EPHB6: variants seen among roughly 807,000 people sequenced by gnomAD.
The protein encoded by EPHB6 is ephrin type-B receptor 6.
EPHB6 carries 51 observed loss-of-function variants against 107.0 expected under a neutral mutation model. The observed-to-expected ratio is 0.48, with a 90% CI of 0.38 to 0.60. The LOEUF is 0.60. EPHB6 is among the 20% of genes least tolerant of loss of function. The pLI, the probability that EPHB6 is intolerant of heterozygous loss-of-function variation, is 0.00. For missense variants in EPHB6, 1,141 were observed against 1,355.5 expected, an observed-to-expected ratio of 0.84 and a Z score of 2.48; for synonymous variants, 553 against 549.0, an observed-to-expected ratio of 1.01 and a Z score of -0.10.
In EPHB6 at chr7:142,867,250, T is replaced by C; in HGVS notation, c.1750+182T>C. ...GGCTACTCGGGGAGGTGGGGAATTG[T>C]AGGGGTATGTATGCATGTTGAGTGT... On this transcript the variant is annotated intron_variant, in intron 11 of 19. Transcript: ENST00000652003. The surrounding 1 kb of genome is among the most constrained non-coding windows in gnomAD (Gnocchi z 5.3). The C allele has an allele frequency of 2.8e-6, 2 of 714,464 alleles. No homozygotes were observed. Among genetic ancestry groups the C allele is most frequent in the South Asian group, 3.7e-5 (2 of 54,188 alleles). The allele number at this position is 714,464 out of a possible 1,614,324, so 44.3% of individuals were successfully genotyped here. A position where few individuals can be genotyped will look rare whatever the true frequency, so the allele number is the denominator to read the frequency against.
Position 142,870,386 on chromosome 7 carries a change from C to G in EPHB6, c.2783C>G (p.Ala928Gly), listed in dbSNP as rs1794847502. ...KMIRKPDTLQAGGDPGERPSQ... is the reference protein window; with the variant it reads ...KMIRKPDTLQGGGDPGERPSQ... The stretch of plus-strand genomic sequence containing the variant: ...ATCCGCAAGCCAGATACCCTGCAGG[C>G]TGGCGGGGACCCAGGGGAAAGGTCT... The change falls in exon 18 of 20, where the codon GCT (alanine) becomes GGT (glycine). Residue 928 changes from alanine (A) to glycine (G), a missense_variant. Around this residue, in one of 3 missense-constraint regions of EPHB6, gnomAD observed 616 missense variants for 759.3 expected, o/e 0.81. Transcript: ENST00000652003. 2.5e-6 allele frequency: 4 copies of G among 1,614,148 alleles called. No individual in the cohort carries two copies. Among genetic ancestry groups the G allele is most frequent in the Non-Finnish European group, 3.4e-6 (4 of 1,180,042 alleles).
At chr7:142,863,394 A>G (rs1802945063) in intron 5 of EPHB6, 67 bp downstream of exon 5, 1 of 1,486,906 alleles carries the variant, frequency 6.7e-7, no homozygotes, top group African/African-American at 1.4e-5. Flanking sequence ...GGGAAGTGGG[A>G]AAGATTTAGA....
At position 142,869,091 on chromosome 7, in the gene EPHB6, G is replaced by A. The variant is rs1285417898; in HGVS notation, c.2404G>A (p.Val802Met). The change falls in exon 16 of 20, where the codon GTG becomes ATG. Residue 802 changes from valine (V) to methionine (M), a missense_variant. This residue lies in a region of EPHB6 where 616 missense variants were observed against 759.3 expected (regional missense o/e 0.81). Transcript: ENST00000652003. This position sits in a 1 kb window ranked among gnomAD's most constrained non-coding sequence, Gnocchi z 4.5. ...FVHRSLSAHS[V>M]LVNSHLVCKV... The stretch of plus-strand genomic sequence containing the variant: ...CCATCGCTCGCTGTCTGCCCACAGC[G>A]TGCTGGTGAATAGCCACTTGGTGTG... The A allele has an allele frequency of 6.2e-6, 10 of 1,613,800 alleles. No homozygotes were observed. In the Admixed American group the frequency reaches 6.7e-5, roughly 11 times the overall value.
rs768492124 is a variant in EPHB6 at position 142,866,547 on chromosome 7, C to G, written c.1529C>G (p.Pro510Arg). 1.2e-6 allele frequency: 2 copies of G among 1,614,172 alleles called. No homozygotes were observed. The highest frequency in any genetic ancestry group is 2.2e-5 in the South Asian group (2 of 91,084). ...RASNSITVSW[P>R]QPDQTNGNIL... ...TCCAACAGCATCACGGTGTCCTGGC[C>G]GCAGCCCGACCAGACCAATGGGAAC... The change falls in exon 10 of 20, where the codon CCG becomes CGG. Residue 510 changes from proline to arginine, a missense_variant. By Grantham distance (103) the Pro-to-Arg change is moderately radical (BLOSUM62 -2). Coordinates refer to ENST00000652003, the MANE Select transcript of EPHB6 (RefSeq NM_004445.6). This position sits in a 1 kb window ranked among gnomAD's most constrained non-coding sequence, Gnocchi z 5.2.
In EPHB6 at chr7:142,863,995, G is replaced by T. The variant is rs1245244109; in HGVS notation, c.195G>T (p.Gln65His). 6.2e-7 allele frequency: 1 copy of T among 1,614,100 alleles called. No individual in the cohort carries two copies. The highest frequency in any genetic ancestry group is 8.5e-7 in the Non-Finnish European group (1 of 1,180,044). The change falls in exon 7 of 20, where the codon CAG becomes CAT. Residue 65 changes from glutamine to histidine, a missense_variant. Physicochemically the swap from Gln to His is conservative, Grantham distance 24. Transcript: ENST00000652003. ...GWDEVSVLDD[Q>H]RRLTRTFEAC... ...ACGAGGTGAGTGTTCTGGACGACCA[G>T]CGACGCCTGACTCGGACCTTTGAGG...
At position 142,866,860 on chromosome 7, in the gene EPHB6, G is replaced by A. The variant is rs1305643682; in HGVS notation, c.1588-46G>A. The A allele has an allele frequency of 1.2e-6, 2 of 1,613,762 alleles. No individual in the cohort carries two copies. Among genetic ancestry groups the A allele is most frequent in the Non-Finnish European group, 1.7e-6 (2 of 1,179,886 alleles). On this transcript the variant is annotated intron_variant, in intron 10 of 19. Coordinates refer to ENST00000652003, the MANE Select transcript of EPHB6 (RefSeq NM_004445.6). This position sits in a 1 kb window ranked among gnomAD's most constrained non-coding sequence, Gnocchi z 5.2. ...GCTGGGGGCCTTAGGGGCAGAAGCA[G>A]GGGCAAGAGGGGGCCAGGCAGGGAG...
At position 142,864,237 on chromosome 7, in the gene EPHB6, C is replaced by T. The variant is rs146506957; in HGVS notation, c.437C>T (p.Ser146Phe). The part of the protein sequence containing the change: ...EEPDSPDSVS[S>F]WHLKRWTKVD... ...CCCGACAGCCCTGACAGCGTTTCCTCCTGGCACCTCAAACGCTGGACCAAG... is the reference window on the plus strand; with the variant it reads ...CCCGACAGCCCTGACAGCGTTTCCTTCTGGCACCTCAAACGCTGGACCAAG... Residue 146 changes from serine to phenylalanine, a missense_variant, in exon 7 of 20, where the codon TCC becomes TTC. Physicochemically the swap from Ser to Phe is radical, Grantham distance 155. Coordinates refer to ENST00000652003, the MANE Select transcript of EPHB6 (RefSeq NM_004445.6). 11 of 1,613,844 alleles carry T rather than the reference C, an allele frequency of 6.8e-6. No homozygotes were observed. The South Asian group carries it at 8.8e-5, about 13-fold the overall frequency.
intron 7 of EPHB6, 137 bp downstream of exon 7, chr7:142,864,886 T>G: frequency 9.1e-7 from 1 of 1,095,838 alleles, no homozygotes. Flanking sequence ...GACCCTGATT[T>G]TCCCTAATTT....
Position 142,864,713 on chromosome 7 carries a change from G to A in EPHB6, c.913G>A (p.Gly305Arg). 5 of 1,612,902 alleles carry A rather than the reference G, an allele frequency of 3.1e-6. No homozygotes were observed. Among genetic ancestry groups the A allele is most frequent in the Non-Finnish European group, 4.2e-6 (5 of 1,180,008 alleles). The change falls in exon 7 of 20, where the codon GGA becomes AGA. Residue 305 changes from glycine (G) to arginine (R), a missense_variant. Around this residue, in one of 3 missense-constraint regions of EPHB6, gnomAD observed 304 missense variants for 295.7 expected, o/e 1.03. Transcript: ENST00000652003. Reference protein sequence around the residue: ...VAVGGCRCQPGYQPARGDKAC... With the variant: ...VAVGGCRCQPRYQPARGDKAC... ...TGTCGGGGGCTGCCGCTGCCAGCCT[G>A]GATACCAACCAGCACGAGGAGACAA...
Position 142,869,835 on chromosome 7 carries a change from C to T in EPHB6, c.2479C>T (p.Arg827Cys), listed in dbSNP as rs372692074. 57 of 1,614,066 alleles carry T rather than the reference C, an allele frequency of 3.5e-5. No individual in the cohort carries two copies. The Admixed American group carries it at 7.0e-4, about 20-fold the overall frequency. The change falls in exon 17 of 20, where the codon CGC becomes TGC. Residue 827 changes from arginine to cysteine, a missense_variant. Physicochemically the swap from Arg to Cys is radical, Grantham distance 180. This residue lies in a region of EPHB6 where 616 missense variants were observed against 759.3 expected (regional missense o/e 0.81). Coordinates refer to ENST00000652003, the MANE Select transcript of EPHB6 (RefSeq NM_004445.6). This position sits in a 1 kb window ranked among gnomAD's most constrained non-coding sequence, Gnocchi z 4.5. ...HSPQGPSCLL[R>C]WAAPEVIAHG... The stretch of plus-strand genomic sequence containing the variant: ...CCCTCAGGGCCCAAGTTGTTTGCTT[C>T]GCTGGGCAGCCCCAGAGGTCATTGC...
At chr7:142,865,425 G>A (rs1439448930) in intron 7 of EPHB6, 50 bp from the exon 8 acceptor site, 11 of 1,609,986 alleles carry the variant, frequency 6.8e-6, no homozygotes, top group Admixed American at 1.7e-5. Flanking sequence ...GGAGCTCAGG[G>A]TGGGTGGACA....
At chr7:142,858,420 A>ATTT (rs1554519357) in intron 1 of EPHB6, among the ~76,000 whole-genome samples, 1 of 110,052 alleles carries the variant, frequency 9.1e-6, no homozygotes, top group African/African-American at 3.5e-5. Flanking sequence ...CTTTTAAGTC[A>ATTT]TTCTTTTTTT....
chr7:142,868,574 C>G lies in EPHB6; in HGVS notation c.2121C>G (p.Ala707=). ...CTGTGGCCATCCAGGCCCTGTGGGCCGGGGGCGCCGAAAGCCTGCAGATGA... is the reference window on the plus strand; with the variant it reads ...CTGTGGCCATCCAGGCCCTGTGGGCGGGGGGCGCCGAAAGCCTGCAGATGA... ...EQTVAIQALW[A]GGAESLQMTF... is the part of the protein sequence containing the mutation. The change falls in exon 15 of 20, where the codon GCC becomes GCG. Residue 707 remains alanine (A), a synonymous_variant. Transcript: ENST00000652003. This position sits in a 1 kb window ranked among gnomAD's most constrained non-coding sequence, Gnocchi z 4.2. The G allele has an allele frequency of 2.5e-6, 4 of 1,613,408 alleles. No homozygotes were observed. Among genetic ancestry groups the G allele is most frequent in the Non-Finnish European group, 3.4e-6 (4 of 1,179,926 alleles).
Position 142,866,028 on chromosome 7 carries a change from C to G in EPHB6, c.1174C>G (p.Leu392Val), listed in dbSNP as rs758112186. The G allele has an allele frequency of 1.9e-6, 3 of 1,613,714 alleles. No homozygotes were observed. The Admixed American group carries it at 5.0e-5, about 27-fold the overall frequency. ...QGSALMLHWR[L>V]PRELGGRGDL... ...CTCAGCACTCATGCTACACTGGCGC[C>G]TGCCTCGGGAGCTGGGGGGTCGAGG... The change falls in exon 9 of 20, where the codon CTG (leucine) becomes GTG (valine). Residue 392 changes from leucine to valine, a missense_variant. Leu to Val is a conservative substitution (Grantham distance 32, BLOSUM62 1). Around this residue, in one of 3 missense-constraint regions of EPHB6, gnomAD observed 304 missense variants for 295.7 expected, o/e 1.03. Transcript: ENST00000652003. This position sits in a 1 kb window ranked among gnomAD's most constrained non-coding sequence, Gnocchi z 5.2.
At position 142,867,896 on chromosome 7, in the gene EPHB6, C is replaced by G. The variant is rs1372945583; in HGVS notation, c.1866-101C>G. 9 of 1,518,576 alleles carry G rather than the reference C, an allele frequency of 5.9e-6. No homozygotes were observed. The East Asian group carries it at 2.2e-4, about 37-fold the overall frequency. The allele number at this position is 1,518,576 out of a possible 1,614,324, so 94.1% of individuals were successfully genotyped here. A position where few individuals can be genotyped will look rare whatever the true frequency, so the allele number is the denominator to read the frequency against. On this transcript the variant is annotated intron_variant, in intron 12 of 19. Transcript: ENST00000652003. The surrounding 1 kb of genome is among the most constrained non-coding windows in gnomAD (Gnocchi z 5.3). ...GGGCAGGAGGGCCAGGCTGTCGTCCCCCCTCCACAGACCGACTAAAGAGCA... is the reference window on the plus strand; with the variant it reads ...GGGCAGGAGGGCCAGGCTGTCGTCCGCCCTCCACAGACCGACTAAAGAGCA...
rs375010348 is a variant in EPHB6, at chr7:142,864,095, G to T, written c.295G>T (p.Gly99Trp). ...WLQTHFVERR[G>W]AQRAHIRLHF... is the part of the protein sequence containing the mutation. ...GCAGACACACTTTGTGGAGCGGCGCGGGGCCCAGAGGGCGCACATTCGACT... is the reference window on the plus strand; with the variant it reads ...GCAGACACACTTTGTGGAGCGGCGCTGGGCCCAGAGGGCGCACATTCGACT... The change falls in exon 7 of 20, where the codon GGG becomes TGG. Residue 99 changes from glycine (G) to tryptophan (W), a missense_variant. This residue lies in a region of EPHB6 where 221 missense variants were observed against 300.5 expected (regional missense o/e 0.74). Coordinates refer to ENST00000652003, the MANE Select transcript of EPHB6 (RefSeq NM_004445.6). 8.7e-5 allele frequency: 140 copies of T among 1,613,894 alleles called. No homozygotes were observed. The highest frequency in any genetic ancestry group is 1.2e-4 in the Non-Finnish European group (136 of 1,180,048).
rs2116470772 is a variant in EPHB6 at position 142,868,551 on chromosome 7, G to A, written c.2098G>A (p.Val700Met). 4.3e-6 allele frequency: 7 copies of A among 1,613,682 alleles called. No individual in the cohort carries two copies. The highest frequency in any genetic ancestry group is 5.9e-6 in the Non-Finnish European group (7 of 1,179,998). ...LQPRGRREQT[V>M]AIQALWAGGA... Reference sequence around the variant, plus strand: ...GCCACGGGGACGGAGGGAGCAGACTGTGGCCATCCAGGCCCTGTGGGCCGG... The same window carrying A: ...GCCACGGGGACGGAGGGAGCAGACTATGGCCATCCAGGCCCTGTGGGCCGG... The change falls in exon 15 of 20, where the codon GTG becomes ATG. Residue 700 changes from valine (V) to methionine (M), a missense_variant. Coordinates refer to ENST00000652003, the MANE Select transcript of EPHB6 (RefSeq NM_004445.6). This position sits in a 1 kb window ranked among gnomAD's most constrained non-coding sequence, Gnocchi z 4.2.
At chr7:142,863,550 T>A in intron 5 of EPHB6, 81 bp from the exon 6 acceptor site, 1 of 1,532,480 alleles carries the variant, frequency 6.5e-7, no homozygotes, top group Non-Finnish European at 9.0e-7. Context: ...GGCATTCTTT[T>A]GTTCGCGGTG....
chr7:142,868,075 G>T lies in EPHB6; in HGVS notation c.1918+26G>T. 1 of 1,611,088 alleles carries T rather than the reference G, an allele frequency of 6.2e-7. No homozygotes were observed. Among genetic ancestry groups the T allele is most frequent in the African/African-American group, 1.3e-5 (1 of 74,986 alleles). ...GTGGGGATGAGGAGAGGAAATGGGT[G>T]GGGCTGGGGAACACATGGGTGGGGC... On this transcript the variant is annotated intron_variant, in intron 13 of 19. Coordinates refer to ENST00000652003, the MANE Select transcript of EPHB6 (RefSeq NM_004445.6). This position sits in a 1 kb window ranked among gnomAD's most constrained non-coding sequence, Gnocchi z 4.2.
Sources: allele counts gnomAD v4.1 joint callset (sites outside exome capture counted in the v4.1 genomes callset), GRCh38; gene constraint gnomAD v4.1.1; regional missense constraint gnomAD v4.1.1; non-coding constraint Gnocchi (gnomAD v3.1); transcripts MANE v1.5; gene names NCBI Gene and HGNC (gene_info 2026-07-23, HGNC 2026-07-21).